Variants in SPON2 observed in about 807,000 individuals in gnomAD.
SPON2 encodes the protein spondin 2.
Under a neutral mutation model 29.9 loss-of-function variants are expected in SPON2, and 32 were observed. The ratio of observed to expected loss-of-function variants is 1.07; its 90% CI spans 0.81 to 1.44. The LOEUF is 1.44. Among genes scored for constraint, SPON2 ranks in the 40% most tolerant of loss-of-function variants. The probability of loss-of-function intolerance (pLI) is 0.00; values close to 1 mark genes in which losing one functional copy is unlikely to be tolerated. For synonymous variants in SPON2, 248 were observed against 209.1 expected (o/e 1.19, Z -1.61); for missense variants, 541 against 455.5 (o/e 1.19, Z -1.71).
At position 1,202,237 on chromosome 4, in the gene SPON2, C is replaced by T. The variant is rs536922178; in HGVS notation, c.-234+5643G>A. 1.2e-4 allele frequency among the ~76,000 whole-genome samples: 19 copies of T among 152,326 alleles called. No individual in the cohort carries two copies. The highest frequency in any genetic ancestry group is 3.4e-4 in the African/African-American group (14 of 41,574). ...TGGCCCTTGCACGTCGCATCCTCAC[C>T]GGCTGGAGGGTGGGTCTGCCCCACA... On this transcript the variant is annotated intron_variant, in intron 1 of 3. Transcript: ENST00000509233. The surrounding 1 kb of genome is among the most constrained non-coding windows in gnomAD (Gnocchi z 5.4).
chr4:1,171,963 C>A lies in SPON2; in HGVS notation c.109G>T (p.Ala37Ser), dbSNP rs1378074706. Residue 37 changes from alanine (A) to serine (S), a missense_variant, in exon 2 of 6, where the codon GCC becomes TCC. Coordinates refer to ENST00000290902, the MANE Select transcript of SPON2 (RefSeq NM_012445.4). Reference sequence around the variant, plus strand: ...ATGCTGTATTTGGCCAGGGCTCTGGCGGAACAGATGGACTCTCCCCCAAGA... The same window carrying A: ...ATGCTGTATTTGGCCAGGGCTCTGGAGGAACAGATGGACTCTCCCCCAAGA... ...QPLGGESICSARALAKYSITF... is the reference protein window; with the variant it reads ...QPLGGESICSSRALAKYSITF... The A allele has an allele frequency of 1.7e-5, 28 of 1,612,924 alleles. No homozygotes were observed. Among genetic ancestry groups the A allele is most frequent in the Middle Eastern group, 1.7e-4 (1 of 6,058 alleles).
At chr4:1,185,399 T>C (rs192138152) in intron 1 of SPON2, among the ~76,000 whole-genome samples, 1 of 151,782 alleles carries the variant, frequency 6.6e-6, no homozygotes, top group East Asian at 2.0e-4. Context: ...TGACAAATGG[T>C]GTTGGAAAAC....
chr4:1,207,787 G>T (rs1170008514), intron 1 of SPON2: 2 of 154,482 alleles, frequency 1.3e-5, no homozygotes, highest in African/African-American at 4.8e-5. Context: ...CCCTACATGG[G>T]AAGCCCTTGG....
intron 5 of SPON2, chr4:1,169,944 T>C (rs11731685): frequency 0.16 from 27,692 of 175,538 alleles, 2,839 homozygotes; most frequent in African/African-American, 0.3. Context: ...AGAATGCTCA[T>C]CAGCACCTGC....
chr4:1,174,803 A>T (rs1293625952), upstream of SPON2, among the ~76,000 whole-genome samples: 2 of 152,210 alleles, frequency 1.3e-5, no homozygotes, highest in African/African-American at 4.8e-5. Context: ...CTGGATTCCC[A>T]TATCGGCTCC....
upstream of SPON2, chr4:1,172,900 TCCC>T (rs1560203146): frequency 7.7e-5 from 1 of 12,932 alleles, no homozygotes; most frequent in Non-Finnish European, 1.5e-4. Context: ...CCTCCCCTCC[TCCC>T]CTCCCCTCCT....
chr4:1,186,200 G>T (rs542397249), intron 1 of SPON2, among the ~76,000 whole-genome samples: 1,995 of 150,892 alleles, frequency 0.013, 37 homozygotes, highest in African/African-American at 0.044. Context: ...GCTGAGATCG[G>T]GCCACTATAC....
At chr4:1,203,092 G>A (rs1045777873) in intron 1 of SPON2, among the ~76,000 whole-genome samples, 2 of 152,188 alleles carry the variant, frequency 1.3e-5, no homozygotes, top group Admixed American at 6.5e-5. Context: ...GGCTGGATAC[G>A]CCATTGGAGC....
intron 1 of SPON2, among the ~76,000 whole-genome samples, chr4:1,207,615 G>A (rs950196347): frequency 9.8e-5 from 13 of 133,212 alleles, no homozygotes; most frequent in African/African-American, 3.1e-4. Flanking sequence ...CTAACCATGC[G>A]CCGCGCTTAC....
upstream of SPON2, chr4:1,172,894 CCCT>C (rs1560203122): frequency 2.0e-4 from 1 of 5,084 alleles, no homozygotes; most frequent in Admixed American, 2.6e-3. Flanking sequence ...CCCTCCCCTC[CCCT>C]CCTCCCCTCC....
intron 1 of SPON2, among the ~76,000 whole-genome samples, chr4:1,187,928 A>C (rs1006569982): frequency 8.5e-5 from 13 of 152,124 alleles, no homozygotes; most frequent in Non-Finnish European, 1.3e-4. Flanking sequence ...CAGGCCAGGC[A>C]CAGCAACACA....
intron 4 of SPON2, 155 bp downstream of exon 4, chr4:1,170,844 C>A: frequency 8.8e-7 from 1 of 1,132,360 alleles, no homozygotes. Context: ...GGGCTGCACC[C>A]CCTTGCTCAC....
chr4:1,188,223 A>AG (rs1302006773), intron 1 of SPON2, among the ~76,000 whole-genome samples: 6,177 of 140,072 alleles, frequency 0.044, 71 homozygotes, highest in Non-Finnish European at 0.057. Flanking sequence ...AAAAAAAAAA[A>AG]AAAGAAATGA....
At chr4:1,189,645 A>G (rs1180771778) in intron 1 of SPON2, among the ~76,000 whole-genome samples, 1 of 147,160 alleles carries the variant, frequency 6.8e-6, no homozygotes, top group African/African-American at 2.6e-5. Context: ...TCTCAAAAAA[A>G]AAAAAAAAAA....
upstream of SPON2, chr4:1,199,998 C>T (rs1479751928): frequency 6.6e-6 from 1 of 152,294 alleles, no homozygotes; most frequent in African/African-American, 2.4e-5. This position sits in a 1 kb window ranked among gnomAD's most constrained non-coding sequence, Gnocchi z 4.5. Context: ...GCCCAGCCTC[C>T]AGGTTCCATG....
At chr4:1,194,231 C>G (rs1051659676) in intron 1 of SPON2, among the ~76,000 whole-genome samples, 1 of 152,114 alleles carries the variant, frequency 6.6e-6, no homozygotes, top group African/African-American at 2.4e-5. Flanking sequence ...GGGTCTTCGG[C>G]GAGGTGTGCG....
intron 5 of SPON2, chr4:1,167,875 C>CG (rs1429309626): frequency 1.3e-5 from 6 of 467,514 alleles, no homozygotes. Flanking sequence ...CGCGTTTCTA[C>CG]GTAAGAGCCG....
At chr4:1,170,962 C>T (rs1442450320) in intron 4 of SPON2, 37 bp downstream of exon 4, 1 of 1,545,280 alleles carries the variant, frequency 6.5e-7, no homozygotes, top group Admixed American at 2.0e-5. Flanking sequence ...ACCGCGGGGG[C>T]CATAGCGGCC....
In SPON2 at chr4:1,193,124, CAT is replaced by C. The variant is rs1347198950; in HGVS notation, c.-239+1864_-239+1865del. On this transcript the variant is annotated intron_variant, in intron 1 of 3. Transcript: ENST00000502483. ...CACCATGCCAGATACACGCCTCACACATGGGTGCACACACACAGCACATGTGC... is the reference window on the plus strand; with the variant it reads ...CACCATGCCAGATACACGCCTCACACGGGTGCACACACACAGCACATGTGC... Among the ~76,000 whole-genome samples the C allele has an allele frequency of 3.9e-5, 6 of 152,238 alleles. No individual in the cohort carries two copies. The East Asian group carries it at 1.2e-3, about 29-fold the overall frequency.
Sources: gnomAD v4.1 joint callset for allele counts (sites outside exome capture counted in the v4.1 genomes callset) on GRCh38, gnomAD v4.1.1 for gene constraint, Gnocchi (gnomAD v3.1) non-coding constraint, MANE v1.5 for transcripts, NCBI Gene and HGNC (gene_info 2026-07-23, HGNC 2026-07-21) for gene names.